Variants in UTRN observed in about 807,000 individuals in gnomAD.
UTRN encodes utrophin.
UTRN carries 283 observed loss-of-function variants against 463.9 expected under a neutral mutation model. The ratio of observed to expected loss-of-function variants is 0.61; its 90% CI spans 0.55 to 0.67. The LOEUF is 0.67. Ranked by LOEUF, UTRN falls within the 30% of genes least tolerant of loss-of-function variation. UTRN has a pLI of 0.00. For missense variants in UTRN, 3,922 were observed against 4,084.3 expected (o/e 0.96, Z 1.08); for synonymous variants, 1,442 against 1,431.5 (o/e 1.01, Z -0.17).
chr6:144,480,410 G>C (rs1584955162), intron 26 of UTRN, among the ~76,000 whole-genome samples: 1 of 152,166 alleles, frequency 6.6e-6, no homozygotes, highest in Non-Finnish European at 1.5e-5. Flanking sequence ...TTCACAAAGA[G>C]TTATTTTTTG....
intron 2 of UTRN, among the ~76,000 whole-genome samples, chr6:144,382,331 T>C (rs1781008841): frequency 6.6e-6 from 1 of 152,232 alleles, no homozygotes; most frequent in African/African-American, 2.4e-5. Context: ...GTTTTTATTA[T>C]CTTGAGAATA....
intron 13 of UTRN, among the ~76,000 whole-genome samples, chr6:144,443,173 G>T (rs1010943082): frequency 1.3e-5 from 2 of 152,118 alleles, no homozygotes; most frequent in African/African-American, 4.8e-5. Flanking sequence ...CTGGTAAGAC[G>T]TTGCCAATTT....
chr6:144,730,353 A>G lies in UTRN; in HGVS notation c.7810-4A>G, dbSNP rs1363803060. 2 of 1,571,844 alleles carry G rather than the reference A, an allele frequency of 1.3e-6. No individual in the cohort carries two copies. The highest frequency in any genetic ancestry group is 8.6e-7 in the Non-Finnish European group (1 of 1,159,316). ...AAACTCAACTTTTGCTTCTCTTTTG[A>G]AAGGCCCTGAGACGGGAGTTAAAGG... On this transcript the variant is annotated splice_polypyrimidine_tract_variant and splice_region_variant and intron_variant, in intron 53 of 74. Coordinates refer to ENST00000367545, the MANE Select transcript of UTRN (RefSeq NM_007124.3).
chr6:144,690,155 G>A (rs76513295), intron 52 of UTRN, among the ~76,000 whole-genome samples: 5,610 of 124,968 alleles, frequency 0.045, 198 homozygotes, highest in African/African-American at 0.09. Context: ...GAGTGAAGGG[G>A]CAAAACCAGG....
rs768457890 is a variant in UTRN at position 144,423,955 on chromosome 6, T to A, written c.313-31T>A. ...GTGAAGAAATTGTCTTAAAAGCGTT[T>A]TTGTTTTTGTTTTTTGTTTTGTCTT... On this transcript the variant is annotated intron_variant, in intron 5 of 74. Transcript: ENST00000367545. 7 of 1,603,278 alleles carry A rather than the reference T, an allele frequency of 4.4e-6. No individual in the cohort carries two copies. In the Admixed American group the frequency reaches 1.2e-4, roughly 27 times the overall value.
intron 69 of UTRN, 33 bp downstream of exon 69, chr6:144,828,888 A>G: frequency 1.2e-6 from 2 of 1,605,170 alleles, no homozygotes; most frequent in African/African-American, 1.3e-5. Context: ...GCTGCCTGGG[A>G]AGGCTAGTTC....
At chr6:144,648,392 A>G (rs570783827) in intron 51 of UTRN, among the ~76,000 whole-genome samples, 3 of 152,306 alleles carry the variant, frequency 2.0e-5, no homozygotes, top group Non-Finnish European at 4.4e-5. Flanking sequence ...TACAACTTTG[A>G]GATAAACCCT....
Position 144,769,668 on chromosome 6 carries a change from G to A in UTRN, c.8496-2239G>A, listed in dbSNP as rs537632335. Among the ~76,000 whole-genome samples the A allele has an allele frequency of 8.9e-4, 136 of 152,270 alleles. 1 individual carries two copies. The highest frequency in any genetic ancestry group is 6.2e-4 in the South Asian group (3 of 4,818). Reference sequence around the variant, plus strand: ...AGCATATTTGTTGTTTAAGTATAACGTCTGGCTCTACATTACCGATGGCTT... The same window carrying A: ...AGCATATTTGTTGTTTAAGTATAACATCTGGCTCTACATTACCGATGGCTT... On this transcript the variant is annotated intron_variant, in intron 58 of 74. Transcript: ENST00000367545.
chr6:144,572,508 G>T (rs190409155), intron 50 of UTRN, among the ~76,000 whole-genome samples: 14 of 151,932 alleles, frequency 9.2e-5, no homozygotes, highest in Admixed American at 9.2e-4. Context: ...TTTAAGCCCC[G>T]CATGCATTAG....
chr6:144,693,609 C>T (rs1205063602), intron 52 of UTRN, among the ~76,000 whole-genome samples: 6 of 152,080 alleles, frequency 3.9e-5, no homozygotes, highest in Non-Finnish European at 8.8e-5. Flanking sequence ...TCTTTCCCTT[C>T]CCTGATTAGC....
intron 2 of UTRN, among the ~76,000 whole-genome samples, chr6:144,386,791 A>G (rs1315443099): frequency 2.0e-5 from 3 of 152,082 alleles, no homozygotes; most frequent in Non-Finnish European, 4.4e-5. Context: ...TAATTATTAA[A>G]ATGACTCTTC....
intron 34 of UTRN, among the ~76,000 whole-genome samples, chr6:144,507,887 C>T (rs976479497): frequency 1.3e-5 from 2 of 152,212 alleles, no homozygotes; most frequent in Admixed American, 6.5e-5. Flanking sequence ...CCCAGGTGCT[C>T]TGTCCCAGGC....
intron 2 of UTRN, among the ~76,000 whole-genome samples, chr6:144,300,086 A>ATT (rs10677686): frequency 0.098 from 13,881 of 142,352 alleles, 689 homozygotes; most frequent in African/African-American, 0.13. Flanking sequence ...AAGTCTTGTG[A>ATT]TTTTTTTTTT....
chr6:144,371,810 T>C (rs566756970), intron 2 of UTRN, among the ~76,000 whole-genome samples: 2 of 152,326 alleles, frequency 1.3e-5, no homozygotes, highest in South Asian at 2.1e-4. Context: ...TCTGCTTTGT[T>C]CATCATCTCA....
chr6:144,488,793 A>G lies in UTRN; in HGVS notation c.4093A>G (p.Thr1365Ala). The G allele has an allele frequency of 6.2e-7, 1 of 1,607,726 alleles. No individual in the cohort carries two copies. The highest frequency in any genetic ancestry group is 8.5e-7 in the Non-Finnish European group (1 of 1,176,432). The stretch of plus-strand genomic sequence containing the variant: ...GGACAAACAGCTCACCACATACCTG[A>G]CTGACAGGATAGATGCTTTCCAAGT... ...ELDKQLTTYL[T>A]DRIDAFQVPQ... The change falls in exon 30 of 75, where the codon ACT becomes GCT. Residue 1365 changes from threonine (T) to alanine (A), a missense_variant. Physicochemically the swap from Thr to Ala is moderately conservative, Grantham distance 58. Coordinates refer to ENST00000367545, the MANE Select transcript of UTRN (RefSeq NM_007124.3).
intron 2 of UTRN, among the ~76,000 whole-genome samples, chr6:144,343,363 A>AACACACACACACAC (rs3061626): frequency 1.0e-3 from 140 of 135,416 alleles, no homozygotes; most frequent in African/African-American, 3.7e-3. Context: ...GTCTCTACTA[A>AACACACACACACAC]ACACACACAC....
intron 51 of UTRN, among the ~76,000 whole-genome samples, chr6:144,677,665 T>G (rs1351519421): frequency 6.6e-6 from 1 of 152,204 alleles, no homozygotes; most frequent in African/African-American, 2.4e-5. Context: ...GTATTTTTGG[T>G]TCTATATCCT....
intron 51 of UTRN, among the ~76,000 whole-genome samples, chr6:144,616,817 C>CT (rs750630164): frequency 1.3e-5 from 2 of 152,050 alleles, no homozygotes; most frequent in African/African-American, 2.4e-5. Flanking sequence ...AATTGTGAGC[C>CT]TGTGTTTCTT....
chr6:144,435,982 C>CAGCACT lies in UTRN; in HGVS notation c.904_909dup (p.Ser302_Thr303dup). On this transcript the variant is annotated inframe_insertion, in exon 10 of 75. Coordinates refer to ENST00000367545, the MANE Select transcript of UTRN (RefSeq NM_007124.3). ...ATGAGAGTCCCCGAGCTGAAACTCC[C>CAGCACT]AGCACTGTCACTGAGGTTGACATGG... The CAGCACT allele has an allele frequency of 6.2e-7, 1 of 1,614,182 alleles. No individual in the cohort carries two copies. The highest frequency in any genetic ancestry group is 8.5e-7 in the Non-Finnish European group (1 of 1,180,040).
Sources: allele counts gnomAD v4.1 joint callset (sites outside exome capture counted in the v4.1 genomes callset), GRCh38; gene constraint gnomAD v4.1.1; transcripts MANE v1.5; gene names NCBI Gene and HGNC (gene_info 2026-07-23, HGNC 2026-07-21).